The following BPNT1 variants were observed in gnomAD, a reference collection of about 807,000 sequenced individuals.
BPNT1 encodes 3'(2'), 5'-bisphosphate nucleotidase 1, also known as 3'(2'),5'-bisphosphate nucleotidase 1.
BPNT1 carries 28 observed loss-of-function variants against 36.9 expected under a neutral mutation model. The observed-to-expected ratio is 0.76, with a 90% CI of 0.56 to 1.04. BPNT1 has a LOEUF of 1.04. BPNT1 is among the 50% of genes least tolerant of loss of function. The pLI, the probability that BPNT1 is intolerant of heterozygous loss-of-function variation, is 0.00. For missense variants in BPNT1, 313 were observed against 372.9 expected (o/e 0.84, Z 1.32); for synonymous variants, 119 against 130.9 (o/e 0.91, Z 0.62).
chr1:220,060,146 A>G (rs1662888023), intron 7 of BPNT1, among the ~76,000 whole-genome samples: 1 of 152,136 alleles, frequency 6.6e-6, no homozygotes, highest in Non-Finnish European at 1.5e-5. Flanking sequence ...TTACAGCAGA[A>G]TTAATTCAAG....
At chr1:220,069,473 A>T (rs963116443) in intron 4 of BPNT1, 41 bp from the exon 5 acceptor site, 1 of 1,502,084 alleles carries the variant, frequency 6.7e-7, no homozygotes, top group African/African-American at 1.4e-5. Context: ...TAAATCAAGC[A>T]CACAAAATTC....
intron 6 of BPNT1, chr1:220,066,003 T>G: frequency 8.3e-7 from 1 of 1,199,524 alleles, no homozygotes; most frequent in Non-Finnish European, 1.1e-6. Flanking sequence ...AATGACCACC[T>G]GGGGTACCAC....
intron 7 of BPNT1, among the ~76,000 whole-genome samples, chr1:220,060,840 A>G (rs1662960683): frequency 6.6e-6 from 1 of 152,168 alleles, no homozygotes; most frequent in South Asian, 2.1e-4. Context: ...TTTAAGAAAT[A>G]CATTGATTTG....
At chr1:220,062,140 TTC>T (rs1663094134) in intron 7 of BPNT1, among the ~76,000 whole-genome samples, 1 of 152,052 alleles carries the variant, frequency 6.6e-6, no homozygotes, top group South Asian at 2.1e-4. Context: ...AAACGCTTAT[TTC>T]TTTTTTTTTT....
intron 8 of BPNT1, 75 bp from the exon 9 acceptor site, chr1:220,059,067 C>G (rs925335269): frequency 7.5e-5 from 109 of 1,455,528 alleles, no homozygotes; most frequent in Non-Finnish European, 1.0e-4. Flanking sequence ...TTTTTAAGTG[C>G]CTTTTGCTTC....
At chr1:220,076,047 T>A (rs1455127559) in intron 2 of BPNT1, among the ~76,000 whole-genome samples, 1 of 152,162 alleles carries the variant, frequency 6.6e-6, no homozygotes, top group Non-Finnish European at 1.5e-5. Flanking sequence ...CATTTCCTAC[T>A]TTTCATAATA....
rs892721419 is a variant in BPNT1 at position 220,058,544 on chromosome 1, T to C, written c.*300A>G. 1.0e-6 allele frequency: 1 copy of C among 983,514 alleles called. No homozygotes were observed. The highest frequency in any genetic ancestry group is 1.2e-6 in the Non-Finnish European group (1 of 818,192). 60.9% of individuals were successfully genotyped at this position (983,514 alleles called of 1,614,324 possible). A position where few individuals can be genotyped will look rare whatever the true frequency, so the allele number is the denominator to read the frequency against. ...ACTTTTTGGGTTTTTGTTTTTTTTT[T>C]TTCTGAGACAGGGCTTAACTCCTGT... On this transcript the variant is annotated 3_prime_UTR_variant, in exon 9 of 9. Coordinates refer to ENST00000322067, the MANE Select transcript of BPNT1 (RefSeq NM_006085.6).
At chr1:220,073,773 G>C (rs1571770338) in intron 3 of BPNT1, among the ~76,000 whole-genome samples, 194 bp downstream of exon 3, 1 of 152,170 alleles carries the variant, frequency 6.6e-6, no homozygotes, top group Middle Eastern at 3.4e-3. Flanking sequence ...AAGACAACTG[G>C]CTTAGAAATA....
At chr1:220,085,923 T>C (rs372103782) in intron 1 of BPNT1, among the ~76,000 whole-genome samples, 1 of 152,194 alleles carries the variant, frequency 6.6e-6, no homozygotes, top group Non-Finnish European at 1.5e-5. Context: ...ATTGTGACCA[T>C]ATGAGGATTA....
chr1:220,083,689 TC>T (rs1412270732), intron 1 of BPNT1, among the ~76,000 whole-genome samples: 1 of 152,166 alleles, frequency 6.6e-6, no homozygotes, highest in Non-Finnish European at 1.5e-5. Context: ...GTGGATTTTT[TC>T]CAACCAAATG....
Position 220,057,876 on chromosome 1 carries a change from C to T in BPNT1, c.*968G>A. The T allele has an allele frequency of 7.7e-7, 1 of 1,302,860 alleles. No homozygotes were observed. Among genetic ancestry groups the T allele is most frequent in the Non-Finnish European group, 1.0e-6 (1 of 988,384 alleles). 80.7% of individuals were successfully genotyped at this position (1,302,860 alleles called of 1,614,324 possible). On this transcript the variant is annotated 3_prime_UTR_variant, in exon 9 of 9. Coordinates refer to ENST00000322067, the MANE Select transcript of BPNT1 (RefSeq NM_006085.6). ...GAGTGAGATTCCAGAAAAAATTGTG[C>T]CCTAAAGAAATCTGGTTTAGGCCAG...
rs533686309 is a variant in BPNT1 at position 220,061,533 on chromosome 1, C to CAA, written c.672+1222_672+1223dup. 1.0e-3 allele frequency among the ~76,000 whole-genome samples: 78 copies of CAA among 78,114 alleles called. 1 individual carries two copies. The highest frequency in any genetic ancestry group is 2.1e-3 in the East Asian group (5 of 2,396). The allele number at this position is 78,114 out of a possible 152,430, so 51.2% of individuals were successfully genotyped here. ...TGGGCAACAGAGTAAGACTCCGTCT[C>CAA]AAAAAAAAAAAAAAAACAAAAAACT... On this transcript the variant is annotated intron_variant, in intron 7 of 8. Coordinates refer to ENST00000322067, the MANE Select transcript of BPNT1 (RefSeq NM_006085.6).
intron 2 of BPNT1, among the ~76,000 whole-genome samples, chr1:220,074,789 C>T (rs747727358): frequency 5.3e-5 from 8 of 151,986 alleles, no homozygotes; most frequent in African/African-American, 9.7e-5. Flanking sequence ...CCACCATGCC[C>T]GGCCTAAGAA....
At chr1:220,083,828 GC>G (rs1381481675) in intron 1 of BPNT1, among the ~76,000 whole-genome samples, 1 of 152,086 alleles carries the variant, frequency 6.6e-6, no homozygotes, top group Non-Finnish European at 1.5e-5. Flanking sequence ...GTTTTGCAGG[GC>G]CAACTGTGGG....
chr1:220,075,247 T>G (rs1478065500), intron 2 of BPNT1, among the ~76,000 whole-genome samples: 1 of 152,182 alleles, frequency 6.6e-6, no homozygotes, highest in African/African-American at 2.4e-5. Flanking sequence ...TTTCACCATA[T>G]TGGCCAGGCT....
intron 7 of BPNT1, among the ~76,000 whole-genome samples, chr1:220,059,996 A>G (rs990499260): frequency 6.6e-6 from 1 of 152,232 alleles, no homozygotes; most frequent in African/African-American, 2.4e-5. Flanking sequence ...GCATAATAAT[A>G]TAGTGATATG....
chr1:220,074,960 C>A (rs1328839317), intron 2 of BPNT1, among the ~76,000 whole-genome samples: 1 of 151,426 alleles, frequency 6.6e-6, no homozygotes, highest in African/African-American at 2.4e-5. Context: ...TGTTAGTTTG[C>A]TTTCAGAGCC....
intron 6 of BPNT1, among the ~76,000 whole-genome samples, chr1:220,064,351 T>C (rs1398541105): frequency 1.3e-5 from 2 of 152,212 alleles, no homozygotes; most frequent in Non-Finnish European, 2.9e-5. Context: ...GCAGGTTGGG[T>C]TCCCTGGGAA....
In BPNT1 at chr1:220,079,614, A is replaced by G. The variant is rs971053815; in HGVS notation, c.120+113T>C. On this transcript the variant is annotated intron_variant, in intron 2 of 8. Coordinates refer to ENST00000322067, the MANE Select transcript of BPNT1 (RefSeq NM_006085.6). ...AACCAAGCGTCTTGCAGTCTCCCTA[A>G]GGGAGCCATCAATTATTTTAACTGA... 20 of 1,326,754 alleles carry G rather than the reference A, an allele frequency of 1.5e-5. No individual in the cohort carries two copies. The African/African-American group carries it at 2.3e-4, about 16-fold the overall frequency. 82.2% of individuals were successfully genotyped at this position (1,326,754 alleles called of 1,614,324 possible).
Sources: allele counts gnomAD v4.1 joint callset (sites outside exome capture counted in the v4.1 genomes callset), GRCh38; gene constraint gnomAD v4.1.1; transcripts MANE v1.5; gene names NCBI Gene and HGNC (gene_info 2026-07-23, HGNC 2026-07-21).